Variants in SPAG16 observed in about 807,000 individuals in gnomAD.
SPAG16 encodes the protein sperm associated antigen 16.
SPAG16 carries 86 observed loss-of-function variants against 80.4 expected under a neutral mutation model. That is an observed-to-expected ratio of 1.07 (90% CI 0.90 to 1.28). The LOEUF (loss-of-function observed/expected upper bound fraction) is 1.28. Among genes scored for constraint, SPAG16 ranks in the 50% most tolerant of loss-of-function variants. The pLI, the probability that SPAG16 is intolerant of heterozygous loss-of-function variation, is 0.00. For synonymous variants in SPAG16, 294 were observed against 265.9 expected (o/e 1.11, Z -1.03); for missense variants, 870 against 765.3 (o/e 1.14, Z -1.61).
chr2:214,002,311 C>T (rs910635728), intron 12 of SPAG16, among the ~76,000 whole-genome samples: 6 of 152,040 alleles, frequency 3.9e-5, no homozygotes, highest in African/African-American at 1.4e-4. Context: ...TCTTCTGAGT[C>T]TCAGTATCAA....
intron 12 of SPAG16, among the ~76,000 whole-genome samples, chr2:214,012,255 CTTACATATATATATAT>C (rs1449954561): frequency 1.6e-5 from 1 of 62,206 alleles, no homozygotes; most frequent in African/African-American, 5.8e-5. Flanking sequence ...TATTTTTATA[CTTACATATATATATAT>C]ATATATATAT....
chr2:214,376,732 T>A (rs12611579), intron 15 of SPAG16, among the ~76,000 whole-genome samples: 4,839 of 152,226 alleles, frequency 0.032, 254 homozygotes, highest in East Asian at 0.23. Context: ...CTGTTTGACC[T>A]TTTTGAAAAG....
intron 15 of SPAG16, among the ~76,000 whole-genome samples, chr2:214,185,318 G>A (rs903723064): frequency 6.6e-6 from 1 of 151,912 alleles, no homozygotes; most frequent in Non-Finnish European, 1.5e-5. Context: ...CACATAATAT[G>A]CACCTGATAA....
intron 10 of SPAG16, among the ~76,000 whole-genome samples, chr2:213,802,606 A>G (rs1451994495): frequency 6.6e-6 from 1 of 152,202 alleles, no homozygotes; most frequent in East Asian, 1.9e-4. Flanking sequence ...GACAAAGACC[A>G]TAATAAATGC....
intron 10 of SPAG16, among the ~76,000 whole-genome samples, chr2:213,574,688 T>TATATG (rs2060056707): frequency 6.7e-6 from 1 of 148,278 alleles, no homozygotes; most frequent in Non-Finnish European, 1.5e-5. Flanking sequence ...ATATATGATA[T>TATATG]ATATATGATA....
intron 12 of SPAG16, among the ~76,000 whole-genome samples, chr2:213,949,179 T>TTTTTTTTTTTTGTTTTTTTGTTTTTTTG (rs2079612309): frequency 2.8e-5 from 1 of 36,244 alleles, no homozygotes; most frequent in African/African-American, 8.2e-5. Flanking sequence ...GTTTTTTTTT[T>TTTTTTTTTTTTGTTTTTTTGTTTTTTTG]TTTTTTTTTT....
intron 14 of SPAG16, among the ~76,000 whole-genome samples, chr2:214,129,417 T>C (rs942430382): frequency 6.6e-6 from 1 of 152,170 alleles, no homozygotes; most frequent in Non-Finnish European, 1.5e-5. Context: ...TGTAAACCAT[T>C]GTTTTCTATA....
chr2:213,992,259 T>G (rs2046321333), intron 12 of SPAG16, among the ~76,000 whole-genome samples: 1 of 152,162 alleles, frequency 6.6e-6, no homozygotes, highest in Non-Finnish European at 1.5e-5. Context: ...TGTTTAGCGT[T>G]GCAGAAACTC....
At chr2:213,711,063 A>G (rs905054481) in intron 10 of SPAG16, among the ~76,000 whole-genome samples, 26 of 152,198 alleles carry the variant, frequency 1.7e-4, no homozygotes, top group Non-Finnish European at 3.5e-4. Context: ...TATTTGATAT[A>G]TTCCTTGTAA....
chr2:213,486,511 A>G (rs2073981294), intron 9 of SPAG16, among the ~76,000 whole-genome samples: 1 of 152,142 alleles, frequency 6.6e-6, no homozygotes, highest in Admixed American at 6.5e-5. Context: ...AAAGAATGAA[A>G]TCCTGTCATT....
intron 15 of SPAG16, among the ~76,000 whole-genome samples, chr2:214,262,799 A>C (rs1229099726): frequency 6.6e-6 from 1 of 152,098 alleles, no homozygotes; most frequent in Non-Finnish European, 1.5e-5. Context: ...ATAATGACGC[A>C]TTGCTCTACT....
rs534697470 is a variant in SPAG16, at chr2:213,322,421, A to T, written c.536+5065A>T. On this transcript the variant is annotated intron_variant, in intron 5 of 15. Coordinates refer to ENST00000331683, the MANE Select transcript of SPAG16 (RefSeq NM_024532.5). ...GTGTACTTGAACTTTAACATCTTGCAGTCTGACTTTCATTTCACTTTTTCT... is the reference window on the plus strand; with the variant it reads ...GTGTACTTGAACTTTAACATCTTGCTGTCTGACTTTCATTTCACTTTTTCT... 2.7e-5 allele frequency among the ~76,000 whole-genome samples: 4 copies of T among 149,318 alleles called. No individual in the cohort carries two copies. In the East Asian group the frequency reaches 7.9e-4, roughly 30 times the overall value.
chr2:213,772,964 T>C (rs190961991), intron 10 of SPAG16, among the ~76,000 whole-genome samples: 84 of 152,274 alleles, frequency 5.5e-4, no homozygotes, highest in African/African-American at 1.9e-3. Flanking sequence ...TGCTTTTATA[T>C]ACAATATGTT....
intron 15 of SPAG16, among the ~76,000 whole-genome samples, chr2:214,310,439 C>T (rs1335677993): frequency 6.6e-6 from 1 of 152,160 alleles, no homozygotes; most frequent in African/African-American, 2.4e-5. Flanking sequence ...AGCTGATGTC[C>T]TCCCTAGCAC....
At chr2:213,983,646 G>A (rs72934041) in intron 12 of SPAG16, among the ~76,000 whole-genome samples, 21,689 of 151,834 alleles carry the variant, frequency 0.14, 2,189 homozygotes, top group Non-Finnish European at 0.22. Flanking sequence ...ATGAGTTTTT[G>A]TATCAATAAT....
At position 214,094,487 on chromosome 2, in the gene SPAG16, A is replaced by G. The variant is rs535150753; in HGVS notation, c.1528-13709A>G. Among the ~76,000 whole-genome samples, 19 of 152,216 alleles carry G rather than the reference A, an allele frequency of 1.2e-4. No individual in the cohort carries two copies. The East Asian group carries it at 3.7e-3, about 29-fold the overall frequency. ...TCAGAAATCCTTTTTCTGTAAAAAT[A>G]TGCGTTATAAACAAGCTTTCTGCTT... On this transcript the variant is annotated intron_variant, in intron 13 of 15. Transcript: ENST00000331683.
At chr2:213,967,805 T>G (rs2044783559) in intron 12 of SPAG16, among the ~76,000 whole-genome samples, 1 of 152,184 alleles carries the variant, frequency 6.6e-6, no homozygotes, top group Admixed American at 6.5e-5. Context: ...TATGAAATGT[T>G]GAGTCTGTTT....
chr2:213,340,926 A>G (rs745575972), intron 6 of SPAG16, among the ~76,000 whole-genome samples: 9 of 152,204 alleles, frequency 5.9e-5, no homozygotes, highest in Admixed American at 5.2e-4. Context: ...TTGTGATGAT[A>G]TAAATACTCT....
intron 15 of SPAG16, among the ~76,000 whole-genome samples, chr2:214,298,439 T>C (rs2125946323): frequency 6.6e-6 from 1 of 152,256 alleles, no homozygotes; most frequent in East Asian, 1.9e-4. Context: ...TATTTTTTTA[T>C]GATTCAGCTC....
Sources: allele counts gnomAD v4.1 joint callset (sites outside exome capture counted in the v4.1 genomes callset), GRCh38; gene constraint gnomAD v4.1.1; transcripts MANE v1.5; gene names NCBI Gene and HGNC (gene_info 2026-07-23, HGNC 2026-07-21).